ACTR10: variants seen among roughly 807,000 people sequenced by gnomAD.
ACTR10 encodes the protein actin-related protein 10.
A neutral mutation model predicts 56.2 loss-of-function variants in ACTR10; 43 were observed. The observed-to-expected ratio is 0.77, with a 90% CI of 0.60 to 0.99. The LOEUF is 0.99. ACTR10 is among the 50% of genes least tolerant of loss of function. The pLI, the probability that ACTR10 is intolerant of heterozygous loss-of-function variation, is 0.00. For missense variants in ACTR10, 466 were observed against 507.8 expected, an observed-to-expected ratio of 0.92 and a Z score of 0.79; for synonymous variants, 170 against 176.3, an observed-to-expected ratio of 0.96 and a Z score of 0.28.
At chr14:58,213,783 A>G in intron 6 of ACTR10, 85 bp downstream of exon 6, 1 of 999,722 alleles carries the variant, frequency 1.0e-6, no homozygotes. Context: ...TGATCAATAG[A>G]GGGCTTGTGA....
chr14:58,215,314 G>A (rs765879289), intron 7 of ACTR10, 30 bp downstream of exon 7: 24 of 1,393,734 alleles, frequency 1.7e-5, no homozygotes, highest in Non-Finnish European at 2.3e-5. Context: ...TTTAGGAGTG[G>A]TTTACACTCT....
chr14:58,222,658 G>C (rs1457779478), intron 8 of ACTR10, among the ~76,000 whole-genome samples: 3 of 151,270 alleles, frequency 2.0e-5, no homozygotes, highest in Non-Finnish European at 4.4e-5. Flanking sequence ...CCAGCTACTT[G>C]GGTGGCTGAG....
intron 7 of ACTR10, among the ~76,000 whole-genome samples, chr14:58,218,851 G>A (rs573615527): frequency 2.6e-5 from 4 of 152,004 alleles, no homozygotes; most frequent in Admixed American, 6.6e-5. Context: ...TTGAGACGGA[G>A]TTTCACTCTT....
chr14:58,215,302 G>T lies in ACTR10; in HGVS notation c.598+18G>T, dbSNP rs1889108087. On this transcript the variant is annotated intron_variant, in intron 7 of 12. Transcript: ENST00000254286. The stretch of plus-strand genomic sequence containing the variant: ...AGTGATGGGTAAATTCATTTTAAGT[G>T]GTTTAGGAGTGGTTTACACTCTCTT... 6.5e-7 allele frequency: 1 copy of T among 1,546,778 alleles called. No homozygotes were observed. The highest frequency in any genetic ancestry group is 1.2e-5 in the South Asian group (1 of 85,892).
chr14:58,222,252 T>C (rs1889291265), intron 8 of ACTR10, among the ~76,000 whole-genome samples: 2 of 152,180 alleles, frequency 1.3e-5, no homozygotes. Flanking sequence ...TTGTCTCTAC[T>C]TTAAAAAAGG....
In ACTR10 at chr14:58,234,475, C is replaced by T. The variant is rs755328507; in HGVS notation, c.1178C>T (p.Pro393Leu). 1.7e-5 allele frequency: 28 copies of T among 1,613,364 alleles called. No individual in the cohort carries two copies. The highest frequency in any genetic ancestry group is 2.3e-5 in the Non-Finnish European group (27 of 1,179,586). The change falls in exon 13 of 13, where the codon CCA becomes CTA. Residue 393 changes from proline (P) to leucine (L), a missense_variant. Physicochemically the swap from Pro to Leu is moderately conservative, Grantham distance 98. Coordinates refer to ENST00000254286, the MANE Select transcript of ACTR10 (RefSeq NM_018477.3). ...RIPDWCSLNN[P>L]PLEMMFDVGK... ...CCTGATTGGTGTTCTCTCAATAACC[C>T]ACCTTTGGAAATGATGTTTGATGTC...
At chr14:58,223,905 T>A in intron 10 of ACTR10, 49 bp downstream of exon 10, 1 of 1,477,752 alleles carries the variant, frequency 6.8e-7, no homozygotes, top group South Asian at 1.2e-5. Flanking sequence ...AATAAACTTT[T>A]GGCTTTTAAA....
rs1216806920 is a variant in ACTR10 at position 58,200,259 on chromosome 14, G to A, written c.42G>A (p.Thr14=). The A allele has an allele frequency of 2.6e-6, 4 of 1,514,224 alleles. No homozygotes were observed. Among genetic ancestry groups the A allele is most frequent in the East Asian group, 2.7e-5 (1 of 37,138 alleles). 93.8% of individuals were successfully genotyped at this position (1,514,224 alleles called of 1,614,324 possible). A position where few individuals can be genotyped will look rare whatever the true frequency, so the allele number is the denominator to read the frequency against. The change falls in exon 1 of 13, where the codon ACG becomes ACA. Residue 14 remains threonine, a synonymous_variant. Coordinates refer to ENST00000254286, the MANE Select transcript of ACTR10 (RefSeq NM_018477.3). The part of the protein sequence containing the change: ...YEGLGSGGEK[T]AVVIDLGEAF... ...GCCTGGGGAGCGGCGGGGAGAAGAC[G>A]GCGGTCGTGATCGACCTGGGAGAGG...
intron 1 of ACTR10, among the ~76,000 whole-genome samples, chr14:58,202,308 G>A (rs2140039760): frequency 6.6e-6 from 1 of 152,078 alleles, no homozygotes. Flanking sequence ...TTGGCCAGGC[G>A]CGGTGGCCCA....
chr14:58,202,558 TG>T (rs1888748133), intron 1 of ACTR10, among the ~76,000 whole-genome samples: 1 of 151,570 alleles, frequency 6.6e-6, no homozygotes, highest in African/African-American at 2.4e-5. Flanking sequence ...CACTCCAGCC[TG>T]GGTGACAGAG....
At chr14:58,227,300 G>A (rs1339980598) in intron 10 of ACTR10, among the ~76,000 whole-genome samples, 1 of 152,062 alleles carries the variant, frequency 6.6e-6, no homozygotes, top group Non-Finnish European at 1.5e-5. Flanking sequence ...GTAGGCCAAG[G>A]CGGGCGGATC....
chr14:58,206,850 G>T lies in ACTR10; in HGVS notation c.151-1086G>T, dbSNP rs189260908. ...AGAAAGATATATCATAAGCAAGCCAGAAATAGTTCTTGTGCATAGAGCTTA... is the reference window on the plus strand; with the variant it reads ...AGAAAGATATATCATAAGCAAGCCATAAATAGTTCTTGTGCATAGAGCTTA... On this transcript the variant is annotated intron_variant, in intron 2 of 12. Transcript: ENST00000254286. Among the ~76,000 whole-genome samples the T allele has an allele frequency of 2.7e-3, 409 of 152,280 alleles. 1 individual carries two copies. The highest frequency in any genetic ancestry group is 3.6e-3 in the Non-Finnish European group (243 of 68,026).
chr14:58,217,410 G>A (rs182341569), intron 7 of ACTR10, among the ~76,000 whole-genome samples: 1 of 152,246 alleles, frequency 6.6e-6, no homozygotes, highest in African/African-American at 2.4e-5. Context: ...GCTCACGCCT[G>A]TAATCCCAGC....
intron 3 of ACTR10, 81 bp from the exon 4 acceptor site, chr14:58,208,918 A>T (rs897517747): frequency 2.4e-6 from 2 of 848,468 alleles, no homozygotes; most frequent in African/African-American, 3.4e-5. Flanking sequence ...AAGGTAGTAC[A>T]GTTTCACTGT....
intron 4 of ACTR10, among the ~76,000 whole-genome samples, chr14:58,210,811 A>T (rs1259944268): frequency 6.6e-5 from 10 of 151,824 alleles, no homozygotes. Flanking sequence ...TGTAGCTGAG[A>T]TTACAGGCAG....
chr14:58,222,370 T>G (rs1350103010), intron 8 of ACTR10, among the ~76,000 whole-genome samples: 1 of 152,156 alleles, frequency 6.6e-6, no homozygotes, highest in Non-Finnish European at 1.5e-5. Flanking sequence ...TAAAGTGATA[T>G]AGTAGAAAGA....
chr14:58,223,678 T>C lies in ACTR10; in HGVS notation c.691T>C (p.Phe231Leu). The C allele has an allele frequency of 6.2e-7, 1 of 1,613,282 alleles. No individual in the cohort carries two copies. Among genetic ancestry groups the C allele is most frequent in the Non-Finnish European group, 8.5e-7 (1 of 1,179,824 alleles). ...KRGLKIQAAKFNIDGNNERPS... is the reference protein window; with the variant it reads ...KRGLKIQAAKLNIDGNNERPS... ...AGGACTAAAAATCCAAGCAGCAAAA[T>C]TTAATATTGATGGGAATAATGAGGT... The change falls in exon 9 of 13, where the codon TTT (phenylalanine) becomes CTT (leucine). Residue 231 changes from phenylalanine to leucine, a missense_variant. By Grantham distance (22) the Phe-to-Leu change is conservative (BLOSUM62 0). Transcript: ENST00000254286.
chr14:58,203,302 C>CA (rs11384472), intron 2 of ACTR10, among the ~76,000 whole-genome samples: 75,007 of 105,346 alleles, frequency 0.71, 25,947 homozygotes, highest in East Asian at 0.95. Flanking sequence ...GACTTCGTCT[C>CA]AAAAAAAAAA....
chr14:58,206,939 A>G (rs1036786960), intron 2 of ACTR10: 5 of 152,008 alleles, frequency 3.3e-5, no homozygotes, highest in African/African-American at 9.7e-5. Flanking sequence ...AAAAGAGAAG[A>G]TATCAGTGTT....
Sources: gnomAD v4.1 joint callset for allele counts (sites outside exome capture counted in the v4.1 genomes callset) on GRCh38, gnomAD v4.1.1 for gene constraint, MANE v1.5 for transcripts, NCBI Gene and HGNC (gene_info 2026-07-23, HGNC 2026-07-21) for gene names.